ABCA13: variants seen among roughly 807,000 people sequenced by gnomAD.
ABCA13 encodes ATP-binding cassette sub-family A member 13.
In ABCA13, 476 loss-of-function variants were observed where a neutral mutation model predicts 478.7. The ratio of observed to expected loss-of-function variants is 0.99; its 90% CI spans 0.92 to 1.07. ABCA13 has a LOEUF of 1.07. Ranked by LOEUF, ABCA13 falls within the 50% of genes least tolerant of loss-of-function variation. ABCA13 has a pLI of 0.00. For synonymous variants in ABCA13, 2,252 were observed against 2,158.9 expected, an observed-to-expected ratio of 1.04 and a Z score of -1.20; for missense variants, 6,060 against 5,910.6, an observed-to-expected ratio of 1.03 and a Z score of -0.83.
chr7:48,276,662 A>G, intron 17 of ABCA13, 97 bp downstream of exon 17: 2 of 907,578 alleles, frequency 2.2e-6, no homozygotes. Flanking sequence ...CAGTATTTGT[A>G]TCTAATACCT....
In ABCA13 at chr7:48,314,289, A is replaced by C. The variant is rs765832811; in HGVS notation, c.9739A>C (p.Lys3247Gln). Residue 3247 changes from lysine to glutamine, a missense_variant, in exon 26 of 62, where the codon AAG becomes CAG. Physicochemically the swap from Lys to Gln is moderately conservative, Grantham distance 53. Transcript: ENST00000435803. ...TTTTGGTTCTTTCCAGTTTGTGATG[A>C]AGATGGTTTGCAAGGACCAAGCATC... ...SAFGSFQFVM[K>Q]MVCKDQASFL... 4.3e-6 allele frequency: 7 copies of C among 1,613,832 alleles called. No homozygotes were observed. The South Asian group carries it at 7.7e-5, about 18-fold the overall frequency.
chr7:48,435,781 T>A (rs144776875), intron 42 of ABCA13, among the ~76,000 whole-genome samples: 11 of 151,876 alleles, frequency 7.2e-5, no homozygotes, highest in African/African-American at 2.6e-4. Context: ...CCATAGGTTT[T>A]AAAAATTTTA....
intron 3 of ABCA13, among the ~76,000 whole-genome samples, chr7:48,201,777 G>A (rs1362186672): frequency 6.6e-5 from 10 of 152,220 alleles, no homozygotes; most frequent in Admixed American, 3.3e-4. Context: ...AATGTGTCTG[G>A]AATTGGTGGG....
chr7:48,327,497 A>G (rs2128923540), intron 27 of ABCA13, among the ~76,000 whole-genome samples: 1 of 152,348 alleles, frequency 6.6e-6, no homozygotes, highest in East Asian at 1.9e-4. Context: ...AAACCATATC[A>G]GACGCTTTCC....
intron 15 of ABCA13, among the ~76,000 whole-genome samples, chr7:48,249,913 T>C (rs1303157191): frequency 6.7e-6 from 1 of 149,650 alleles, no homozygotes; most frequent in Admixed American, 6.7e-5. Context: ...ACTGTCTGCC[T>C]GGAATTAGCA....
rs752204301 is a variant in ABCA13 at position 48,644,600 on chromosome 7, T to C, written c.14944-17T>C. 17 of 1,568,726 alleles carry C rather than the reference T, an allele frequency of 1.1e-5. No individual in the cohort carries two copies. The highest frequency in any genetic ancestry group is 1.4e-5 in the Non-Finnish European group (16 of 1,164,250). On this transcript the variant is annotated splice_polypyrimidine_tract_variant and intron_variant, in intron 60 of 61. Transcript: ENST00000435803. ...CTAGTTATATGATACTTTTTTTTTT[T>C]TTTTTTTTGCTTTTAGGGACAGCAC...
At chr7:48,380,296 C>G (rs774152963) in intron 35 of ABCA13, among the ~76,000 whole-genome samples, 1 of 152,126 alleles carries the variant, frequency 6.6e-6, no homozygotes, top group Non-Finnish European at 1.5e-5. Flanking sequence ...TTGTTAAAAG[C>G]AATCTTCACA....
rs145581715 is a variant in ABCA13, at chr7:48,249,361, T to C, written c.2005+10T>C. 206 of 1,611,666 alleles carry C rather than the reference T, an allele frequency of 1.3e-4. 2 individuals carry two copies. The East Asian group carries it at 3.8e-3, about 30-fold the overall frequency. ...CAGAACAGACTATTGGGTAAGTCAG[T>C]AGCCTAAACTACAGGAATGGGGGAT... On this transcript the variant is annotated intron_variant, in intron 15 of 61. Transcript: ENST00000435803.
chr7:48,567,457 T>C (rs1787190525), intron 55 of ABCA13, among the ~76,000 whole-genome samples: 1 of 151,984 alleles, frequency 6.6e-6, no homozygotes, highest in African/African-American at 2.4e-5. Flanking sequence ...AGGGAGCTCA[T>C]TGAGATTGGG....
chr7:48,409,114 A>T (rs1394049036), intron 39 of ABCA13, among the ~76,000 whole-genome samples: 1 of 152,230 alleles, frequency 6.6e-6, no homozygotes, highest in African/African-American at 2.4e-5. Flanking sequence ...GAGTAGAGTT[A>T]AAGACATGTT....
chr7:48,570,851 A>G (rs1033907106), intron 55 of ABCA13, among the ~76,000 whole-genome samples: 30 of 152,018 alleles, frequency 2.0e-4, no homozygotes, highest in African/African-American at 6.5e-4. Flanking sequence ...TTTGTTTTCT[A>G]TATTTCCTCT....
intron 26 of ABCA13, among the ~76,000 whole-genome samples, chr7:48,315,206 T>C (rs187032604): frequency 1.4e-3 from 210 of 152,304 alleles, no homozygotes; most frequent in Middle Eastern, 6.8e-3. Flanking sequence ...AGGGTATAAA[T>C]GTATCCTAGT....
At chr7:48,601,955 G>A (rs1365317803) in intron 58 of ABCA13, among the ~76,000 whole-genome samples, 2 of 152,164 alleles carry the variant, frequency 1.3e-5, no homozygotes, top group Non-Finnish European at 2.9e-5. Flanking sequence ...GATTTGATTT[G>A]CATTTCTCTA....
At chr7:48,171,917 T>G (rs1794121207) in intron 1 of ABCA13, among the ~76,000 whole-genome samples, 1 of 152,252 alleles carries the variant, frequency 6.6e-6, no homozygotes, top group African/African-American at 2.4e-5. Context: ...CTGCATTTAA[T>G]GCATAAGCAG....
chr7:48,301,288 G>T (rs1188730308), intron 23 of ABCA13, among the ~76,000 whole-genome samples: 1 of 152,054 alleles, frequency 6.6e-6, no homozygotes, highest in Non-Finnish European at 1.5e-5. Flanking sequence ...GGTGAATCTG[G>T]TCAAATTTCC....
intron 1 of ABCA13, among the ~76,000 whole-genome samples, chr7:48,181,365 C>G (rs1795678517): frequency 6.6e-6 from 1 of 151,994 alleles, no homozygotes; most frequent in African/African-American, 2.4e-5. Context: ...ATTGTTCAGA[C>G]TTGACAGTTT....
intron 3 of ABCA13, among the ~76,000 whole-genome samples, chr7:48,214,234 C>A (rs1301568448): frequency 6.6e-6 from 1 of 152,116 alleles, no homozygotes; most frequent in Non-Finnish European, 1.5e-5. Flanking sequence ...TAGGTTTTGA[C>A]AGTGAGTTTA....
chr7:48,591,379 A>G (rs1221347275), intron 57 of ABCA13, among the ~76,000 whole-genome samples: 1 of 151,972 alleles, frequency 6.6e-6, no homozygotes, highest in Non-Finnish European at 1.5e-5. Flanking sequence ...TTATAATAGC[A>G]TAGTAGTATA....
At chr7:48,244,052 CTG>C (rs1791296119) in intron 10 of ABCA13, among the ~76,000 whole-genome samples, 2 of 152,192 alleles carry the variant, frequency 1.3e-5, no homozygotes, top group South Asian at 4.1e-4. Context: ...TCTTCCATGT[CTG>C]GAGCCCGTTA....
Sources: allele counts gnomAD v4.1 joint callset (sites outside exome capture counted in the v4.1 genomes callset), GRCh38; gene constraint gnomAD v4.1.1; transcripts MANE v1.5; gene names NCBI Gene and HGNC (gene_info 2026-07-23, HGNC 2026-07-21).